The following ZNF250 variants were observed in gnomAD, a reference collection of about 807,000 sequenced individuals.
ZNF250 encodes the protein zinc finger protein (clone 647).
Under a neutral mutation model 37.1 loss-of-function variants are expected in ZNF250, and 13 were observed. That is an observed-to-expected ratio of 0.35 (90% CI 0.23 to 0.56). ZNF250 has a LOEUF of 0.56. Among genes scored for constraint, ZNF250 ranks in the 20% least tolerant of loss-of-function variants. The pLI, the probability that ZNF250 is intolerant of heterozygous loss-of-function variation, is 0.87. For missense variants in ZNF250, 474 were observed against 697.9 expected (o/e 0.68, Z 3.61); for synonymous variants, 251 against 265.6 (o/e 0.94, Z 0.54).
Position 144,882,385 on chromosome 8 carries a change from A to G in ZNF250, c.798T>C (p.Ala266=), listed in dbSNP as rs778433674. 11 of 1,613,982 alleles carry G rather than the reference A, an allele frequency of 6.8e-6. No individual in the cohort carries two copies. In the Admixed American group the frequency reaches 1.2e-4, roughly 17 times the overall value. Reference sequence around the variant, plus strand: ...CTCCTGTATGTATCTTGTGATGCTGAGCAAGATCTGAGCTCACTCTAAAGG... The same window carrying G: ...CTCCTGTATGTATCTTGTGATGCTGGGCAAGATCTGAGCTCACTCTAAAGG... ...GKAFRVSSDL[A]QHHKIHTGEK... is the part of the protein sequence containing the mutation. The change falls in exon 6 of 6, where the codon GCT becomes GCC. Residue 266 remains alanine, a synonymous_variant. Transcript: ENST00000417550. The surrounding 1 kb of genome is among the most constrained non-coding windows in gnomAD (Gnocchi z 5.5).
At position 144,891,805 on chromosome 8, in the gene ZNF250, T is replaced by G. The variant is rs144821860; in HGVS notation, c.-54-1402A>C. ...AGGTGGAGGATGCGATGAGCCGAGATCATGCCATTGCACTCCAGCCTGGGC... is the reference window on the plus strand; with the variant it reads ...AGGTGGAGGATGCGATGAGCCGAGAGCATGCCATTGCACTCCAGCCTGGGC... On this transcript the variant is annotated intron_variant, in intron 1 of 5. Coordinates refer to ENST00000417550, the MANE Select transcript of ZNF250 (RefSeq NM_001109689.4). The surrounding 1 kb of genome is among the most constrained non-coding windows in gnomAD (Gnocchi z 4.0). Among the ~76,000 whole-genome samples, 16 of 152,112 alleles carry G rather than the reference T, an allele frequency of 1.1e-4. No individual in the cohort carries two copies. In the East Asian group the frequency reaches 3.1e-3, roughly 29 times the overall value.
At position 144,878,790 on chromosome 8, in the gene ZNF250, C is replaced by T. The variant is rs1011665088; in HGVS notation, c.*2725G>A. 6.6e-6 allele frequency: 1 copy of T among 152,214 alleles called. No homozygotes were observed. The highest frequency in any genetic ancestry group is 1.5e-5 in the Non-Finnish European group (1 of 68,038). The allele number at this position is 152,214 out of a possible 1,614,324, so 9.4% of individuals were successfully genotyped here. On this transcript the variant is annotated 3_prime_UTR_variant, in exon 6 of 6. Coordinates refer to ENST00000417550, the MANE Select transcript of ZNF250 (RefSeq NM_001109689.4). Reference sequence around the variant, plus strand: ...TGATCTCAGCTTCTCTGAAGAATTACCTCAATGATCTAATCTCTAAAGTAA... The same window carrying T: ...TGATCTCAGCTTCTCTGAAGAATTATCTCAATGATCTAATCTCTAAAGTAA...
intron 4 of ZNF250, among the ~76,000 whole-genome samples, chr8:144,887,302 C>G (rs1192500025): frequency 6.9e-6 from 1 of 145,200 alleles, no homozygotes; most frequent in Non-Finnish European, 1.5e-5. Flanking sequence ...CCTTTCGTTG[C>G]TATTACAACA....
intron 1 of ZNF250, among the ~76,000 whole-genome samples, chr8:144,893,353 C>G (rs987754040): frequency 1.8e-4 from 28 of 152,068 alleles, no homozygotes; most frequent in African/African-American, 5.8e-4. Context: ...TATTTTGAAA[C>G]AGAATCTCGC....
chr8:144,892,458 GATA>G (rs945540102), intron 1 of ZNF250, among the ~76,000 whole-genome samples: 3 of 152,140 alleles, frequency 2.0e-5, no homozygotes, highest in African/African-American at 7.2e-5. Flanking sequence ...GAAATTGGAA[GATA>G]ACAAAAATGT....
At chr8:144,899,905 GAAA>G (rs1317978015) in intron 1 of ZNF250, among the ~76,000 whole-genome samples, 6 of 152,148 alleles carry the variant, frequency 3.9e-5, no homozygotes, top group African/African-American at 1.4e-4. Flanking sequence ...TTGGAGTGGG[GAAA>G]GCCCTTTAAA....
At chr8:144,892,902 C>CA (rs1188466650) in intron 1 of ZNF250, among the ~76,000 whole-genome samples, 1 of 148,944 alleles carries the variant, frequency 6.7e-6, no homozygotes, top group Admixed American at 6.8e-5. Flanking sequence ...CTCTGTCACC[C>CA]AGGCTGGGAT....
chr8:144,889,734 A>T, intron 3 of ZNF250, 40 bp from the exon 4 acceptor site: 2 of 1,588,122 alleles, frequency 1.3e-6, no homozygotes, highest in Non-Finnish European at 1.7e-6. Flanking sequence ...CACAACATTT[A>T]CAGAGCCCCC....
In ZNF250 at chr8:144,890,201, T is replaced by A. The variant is rs745464152; in HGVS notation, c.42+107A>T. 1.3e-5 allele frequency: 19 copies of A among 1,496,848 alleles called. 1 individual carries two copies. In the South Asian group the frequency reaches 2.2e-4, roughly 17 times the overall value. 92.7% of individuals were successfully genotyped at this position (1,496,848 alleles called of 1,614,324 possible). The stretch of plus-strand genomic sequence containing the variant: ...GGGTGATGGGAAGGGGCCGCGGAGT[T>A]CAGGGCATGTGGTGACGCTCTGGCT... On this transcript the variant is annotated intron_variant, in intron 2 of 5. Transcript: ENST00000417550. The surrounding 1 kb of genome is among the most constrained non-coding windows in gnomAD (Gnocchi z 5.1).
chr8:144,882,300 GA>G lies in ZNF250; in HGVS notation c.882del (p.Gln295SerfsTer51). 6.2e-7 allele frequency: 1 copy of G among 1,613,616 alleles called. No homozygotes were observed. Among genetic ancestry groups the G allele is most frequent in the Non-Finnish European group, 8.5e-7 (1 of 1,179,776 alleles). On this transcript the variant is annotated frameshift_variant, in exon 6 of 6. Coordinates refer to ENST00000417550, the MANE Select transcript of ZNF250 (RefSeq NM_001109689.4). LOFTEE classifies it high-confidence loss of function. The surrounding 1 kb of genome is among the most constrained non-coding windows in gnomAD (Gnocchi z 5.5). ...TCTCCCGTGTGGATCCGCTGGTGCT[GA>G]ATGAGATGTGAGAGTTGAGTGAAGG... Reference protein sequence around the residue: ...RKAFTQLSHLIQHQRIHTGER... With the variant: ...RKAFTQLSHLXQHQRIHTGER...
chr8:144,890,372 G>GAGGATCAC lies in ZNF250; in HGVS notation c.-31_-24dup. ...CATCACCTGGTCTCCTGGGGACTCCGAGGATCACGGAAATTGAAGGAGCCT... is the reference window on the plus strand; with the variant it reads ...CATCACCTGGTCTCCTGGGGACTCCGAGGATCACAGGATCACGGAAATTGAAGGAGCCT... On this transcript the variant is annotated 5_prime_UTR_variant, in exon 2 of 6. Coordinates refer to ENST00000417550, the MANE Select transcript of ZNF250 (RefSeq NM_001109689.4). The surrounding 1 kb of genome is among the most constrained non-coding windows in gnomAD (Gnocchi z 5.1). 1 of 1,472,260 alleles carries GAGGATCAC rather than the reference G, an allele frequency of 6.8e-7. No homozygotes were observed. 91.2% of individuals were successfully genotyped at this position (1,472,260 alleles called of 1,614,324 possible). A position where few individuals can be genotyped will look rare whatever the true frequency, so the allele number is the denominator to read the frequency against.
Position 144,880,451 on chromosome 8 carries a change from C to G in ZNF250, c.*1064G>C. On this transcript the variant is annotated 3_prime_UTR_variant, in exon 6 of 6. Coordinates refer to ENST00000417550, the MANE Select transcript of ZNF250 (RefSeq NM_001109689.4). The stretch of plus-strand genomic sequence containing the variant: ...TTGAGACATCTCACGGTTTCTGGGG[C>G]ACAGGATCTGCAGGTCATAAGGGCA... The G allele has an allele frequency of 2.2e-6, 1 of 456,766 alleles. No homozygotes were observed. Among genetic ancestry groups the G allele is most frequent in the South Asian group, 1.5e-5 (1 of 64,560 alleles). The allele number at this position is 456,766 out of a possible 1,614,324, so 28.3% of individuals were successfully genotyped here. A position where few individuals can be genotyped will look rare whatever the true frequency, so the allele number is the denominator to read the frequency against.
In ZNF250 at chr8:144,881,513, G is replaced by A. The variant is rs766585474; in HGVS notation, c.*2C>T. The A allele has an allele frequency of 3.2e-5, 51 of 1,579,542 alleles. 1 individual carries two copies. The South Asian group carries it at 4.5e-4, about 14-fold the overall frequency. ...AGAATGGATTCTTGTGTCAGCCATG[G>A]GTCACAACTTTCTGTGCACTTTCTG... On this transcript the variant is annotated 3_prime_UTR_variant, in exon 6 of 6. Coordinates refer to ENST00000417550, the MANE Select transcript of ZNF250 (RefSeq NM_001109689.4).
At chr8:144,887,191 C>T (rs917240813) in intron 4 of ZNF250, among the ~76,000 whole-genome samples, 1 of 132,350 alleles carries the variant, frequency 7.6e-6, no homozygotes, top group African/African-American at 3.0e-5. Context: ...CAAGAAGTTG[C>T]AGTGAGCCGA....
rs1458869254 is a variant in ZNF250 at position 144,889,914 on chromosome 8, G to A, written c.169+19C>T. 1 of 1,585,832 alleles carries A rather than the reference G, an allele frequency of 6.3e-7. No individual in the cohort carries two copies. Among genetic ancestry groups the A allele is most frequent in the South Asian group, 1.1e-5 (1 of 87,496 alleles). ...TCCAATACGCAGATACATAGACGAG[G>A]CCTGCTAAGGTGGCTTACCCAATGA... On this transcript the variant is annotated intron_variant, in intron 3 of 5. Transcript: ENST00000417550.
intron 4 of ZNF250, among the ~76,000 whole-genome samples, chr8:144,888,177 T>G (rs1267429313): frequency 6.6e-6 from 1 of 152,238 alleles, no homozygotes; most frequent in Non-Finnish European, 1.5e-5. Context: ...TTTTTATAAT[T>G]TTCTCCATCT....
chr8:144,880,897 A>G lies in ZNF250; in HGVS notation c.*618T>C, dbSNP rs1267784965. The G allele has an allele frequency of 6.2e-6, 1 of 161,678 alleles. No homozygotes were observed. The highest frequency in any genetic ancestry group is 1.4e-5 in the Non-Finnish European group (1 of 72,954). The allele number at this position is 161,678 out of a possible 1,614,324, so 10.0% of individuals were successfully genotyped here. A position where few individuals can be genotyped will look rare whatever the true frequency, so the allele number is the denominator to read the frequency against. On this transcript the variant is annotated 3_prime_UTR_variant, in exon 6 of 6. Transcript: ENST00000417550. Reference sequence around the variant, plus strand: ...CACATACAAAAAGTTTTTTAAATTTATGTAATTTCTCACTAATATATAAGC... The same window carrying G: ...CACATACAAAAAGTTTTTTAAATTTGTGTAATTTCTCACTAATATATAAGC...
At position 144,880,475 on chromosome 8, in the gene ZNF250, C is replaced by A; in HGVS notation, c.*1040G>T. On this transcript the variant is annotated 3_prime_UTR_variant, in exon 6 of 6. Coordinates refer to ENST00000417550, the MANE Select transcript of ZNF250 (RefSeq NM_001109689.4). Reference sequence around the variant, plus strand: ...GCACAGGATCTGCAGGTCATAAGGGCAAGTTTTGAGGAAAATACCCATTTT... The same window carrying A: ...GCACAGGATCTGCAGGTCATAAGGGAAAGTTTTGAGGAAAATACCCATTTT... 2.2e-6 allele frequency: 1 copy of A among 456,720 alleles called. No individual in the cohort carries two copies. Among genetic ancestry groups the A allele is most frequent in the Non-Finnish European group, 4.4e-6 (1 of 226,986 alleles). The allele number at this position is 456,720 out of a possible 1,614,324, so 28.3% of individuals were successfully genotyped here.
chr8:144,877,274 G>A lies in ZNF250; in HGVS notation c.*4241C>T, dbSNP rs939532491. 8 of 152,166 alleles carry A rather than the reference G, an allele frequency of 5.3e-5. No homozygotes were observed. Among genetic ancestry groups the A allele is most frequent in the African/African-American group, 1.4e-4 (6 of 41,508 alleles). The allele number at this position is 152,166 out of a possible 1,614,324, so 9.4% of individuals were successfully genotyped here. A position where few individuals can be genotyped will look rare whatever the true frequency, so the allele number is the denominator to read the frequency against. ...GCTAATTTTTTTTTTGTAGAGACGG[G>A]TTTTCGCCATGCTGGTCTCAAAGTC... is the stretch of plus-strand genomic sequence containing the variant. On this transcript the variant is annotated 3_prime_UTR_variant, in exon 6 of 6. Coordinates refer to ENST00000417550, the MANE Select transcript of ZNF250 (RefSeq NM_001109689.4).
Sources: allele counts gnomAD v4.1 joint callset (sites outside exome capture counted in the v4.1 genomes callset), GRCh38; gene constraint gnomAD v4.1.1; non-coding constraint Gnocchi (gnomAD v3.1); transcripts MANE v1.5; gene names NCBI Gene and HGNC (gene_info 2026-07-23, HGNC 2026-07-21).